The following SCNN1A variants were observed in gnomAD, a reference collection of about 807,000 sequenced individuals.
SCNN1A encodes the protein sodium channel epithelial 1 subunit alpha.
SCNN1A carries 65 observed loss-of-function variants against 68.6 expected under a neutral mutation model. The observed-to-expected ratio is 0.95, with a 90% CI of 0.78 to 1.16. The LOEUF (loss-of-function observed/expected upper bound fraction) is 1.16. SCNN1A is among the 50% of genes most tolerant of loss of function. The pLI is 0.00. For missense variants in SCNN1A, 880 were observed against 865.9 expected, an observed-to-expected ratio of 1.02 and a Z score of -0.20; for synonymous variants, 357 against 353.3, an observed-to-expected ratio of 1.01 and a Z score of -0.12.
chr12:6,350,228 C>T (rs1012792430), intron 8 of SCNN1A, among the ~76,000 whole-genome samples: 11 of 145,284 alleles, frequency 7.6e-5, no homozygotes, highest in East Asian at 6.5e-4. Context: ...GTCAAGAGAT[C>T]GAGACCATCC....
Position 6,349,218 on chromosome 12 carries a change from C to A in SCNN1A, c.1443G>T (p.Val481=). 2 of 1,614,116 alleles carry A rather than the reference C, an allele frequency of 1.2e-6. No individual in the cohort carries two copies. Among genetic ancestry groups the A allele is most frequent in the South Asian group, 2.2e-5 (2 of 91,042 alleles). ...AACCAGCAGAGAGCTGGTAGCTGGT[C>A]ACGCTGGGGATGGAGAAAGGTGCTC... is the stretch of plus-strand genomic sequence containing the variant. The part of the protein sequence containing the change: ...CFTKCRKPCS[V]TSYQLSAGYS... Residue 481 remains valine, a synonymous_variant, in exon 10 of 13, where the codon GTG becomes GTT. Coordinates refer to ENST00000228916, the MANE Select transcript of SCNN1A (RefSeq NM_001038.6).
rs561035299 is a variant in SCNN1A, at chr12:6,355,644, G to A, written c.979+133C>T. On this transcript the variant is annotated intron_variant, in intron 5 of 12. Transcript: ENST00000228916. ...ACGGGATTCCTCTCATGCCTGGAAC[G>A]GACTATGTGGCACCTATTGGGGAGA... 3.4e-5 allele frequency: 31 copies of A among 902,936 alleles called. No homozygotes were observed. In the African/African-American group the frequency reaches 3.8e-4, roughly 11 times the overall value. 55.9% of individuals were successfully genotyped at this position (902,936 alleles called of 1,614,324 possible). A position where few individuals can be genotyped will look rare whatever the true frequency, so the allele number is the denominator to read the frequency against.
chr12:6,363,329 C>T lies in SCNN1A; in HGVS notation c.684+114G>A, dbSNP rs1316634828. The T allele has an allele frequency of 8.4e-6, 7 of 837,048 alleles. No homozygotes were observed. The Admixed American group carries it at 2.0e-4, about 24-fold the overall frequency. The allele number at this position is 837,048 out of a possible 1,614,324, so 51.9% of individuals were successfully genotyped here. On this transcript the variant is annotated intron_variant, in intron 3 of 12. Coordinates refer to ENST00000228916, the MANE Select transcript of SCNN1A (RefSeq NM_001038.6). ...TTTTGCCCGCGAGCCCACGAGGCCC[C>T]GCGTGGTGTCACTGGGCTGCGCGGG... is the stretch of plus-strand genomic sequence containing the variant.
At chr12:6,350,560 G>A (rs1441061264) in intron 8 of SCNN1A, among the ~76,000 whole-genome samples, 1 of 152,140 alleles carries the variant, frequency 6.6e-6, no homozygotes, top group Admixed American at 6.5e-5. Flanking sequence ...CAATAGGCTG[G>A]GTGCGGTGGC....
At chr12:6,350,871 T>A (rs1948376431) in intron 8 of SCNN1A, among the ~76,000 whole-genome samples, 1 of 143,696 alleles carries the variant, frequency 7.0e-6, no homozygotes. Flanking sequence ...AATAAATAAA[T>A]AAAAATTTAA....
chr12:6,375,268 C>T lies in SCNN1A; in HGVS notation c.-55+237G>A, dbSNP rs72645130. 5.9e-3 allele frequency: 8,466 copies of T among 1,437,782 alleles called. 35 individuals are homozygous for T. The highest frequency in any genetic ancestry group is 7.3e-3 in the Non-Finnish European group (8,025 of 1,102,824). 89.1% of individuals were successfully genotyped at this position (1,437,782 alleles called of 1,614,324 possible). On this transcript the variant is annotated intron_variant, in intron 1 of 12. Coordinates refer to ENST00000228916, the MANE Select transcript of SCNN1A (RefSeq NM_001038.6). ...CTCTCCTCTTTCTGGCCTGCCTCCT[C>T]TCTCTAATCCTGCCTCTCTTCCTCT...
intron 5 of SCNN1A, 142 bp downstream of exon 5, chr12:6,355,635 G>T: frequency 1.1e-6 from 1 of 899,104 alleles, no homozygotes; most frequent in Non-Finnish European, 1.9e-6. Flanking sequence ...TTCCTCTCAT[G>T]CCTGGAACGG....
At position 6,348,106 on chromosome 12, in the gene SCNN1A, A is replaced by G. The variant is rs1367615472; in HGVS notation, c.1777T>C (p.Trp593Arg). Residue 593 changes from tryptophan (W) to arginine (R), a missense_variant, in exon 13 of 13, where the codon TGG becomes CGG. Trp to Arg is a moderately radical substitution (Grantham distance 101, BLOSUM62 -3). This residue lies in a region of SCNN1A where 758 missense variants were observed against 721.8 expected (regional missense o/e 1.05). Transcript: ENST00000228916. ...MLLRRFRSRYWSPGRGGRGAQ... is the reference protein window; with the variant it reads ...MLLRRFRSRYRSPGRGGRGAQ... ...CCCCTGCCCCCTCGGCCTGGAGACCAGTATCGGCTTCGGAACCTTCGGAGC... is the reference window on the plus strand; with the variant it reads ...CCCCTGCCCCCTCGGCCTGGAGACCGGTATCGGCTTCGGAACCTTCGGAGC... 1 of 1,614,092 alleles carries G rather than the reference A, an allele frequency of 6.2e-7. No individual in the cohort carries two copies. The highest frequency in any genetic ancestry group is 1.7e-5 in the Admixed American group (1 of 60,014).
At chr12:6,355,689 C>G (rs531775549) in intron 5 of SCNN1A, 88 bp downstream of exon 5, 1 of 1,017,984 alleles carries the variant, frequency 9.8e-7, no homozygotes, top group Non-Finnish European at 1.6e-6. Flanking sequence ...CAGGACCCCT[C>G]CCAGCAGCTC....
intron 4 of SCNN1A, among the ~76,000 whole-genome samples, chr12:6,356,711 G>A (rs1026540112): frequency 1.2e-4 from 19 of 152,360 alleles, no homozygotes; most frequent in Non-Finnish European, 1.6e-4. Flanking sequence ...GAACAGGGAG[G>A]CTGTGTGGGT....
chr12:6,377,105 G>GTTTA, upstream of SCNN1A: 1 of 620,246 alleles, frequency 1.6e-6, no homozygotes, highest in South Asian at 2.3e-5. Flanking sequence ...CAAGCAAGGA[G>GTTTA]TTTAGCAGGC....
At chr12:6,360,496 G>GGT (rs1444616748) in intron 4 of SCNN1A, among the ~76,000 whole-genome samples, 1 of 152,226 alleles carries the variant, frequency 6.6e-6, no homozygotes, top group African/African-American at 2.4e-5. Flanking sequence ...CTTGGTGACA[G>GGT]GTGTGGGCGG....
chr12:6,349,029 C>G, intron 10 of SCNN1A, 24 bp from the exon 11 acceptor site: 2 of 1,612,838 alleles, frequency 1.2e-6, no homozygotes, highest in African/African-American at 2.7e-5. Flanking sequence ...GGGGTGTCAT[C>G]AAGGTCACTC....
At chr12:6,359,625 C>G (rs1948550541) in intron 4 of SCNN1A, among the ~76,000 whole-genome samples, 1 of 152,154 alleles carries the variant, frequency 6.6e-6, no homozygotes, top group Admixed American at 6.5e-5. Flanking sequence ...GCCCCCTCTC[C>G]TCCCCTTCTA....
chr12:6,375,346 C>T lies in SCNN1A; in HGVS notation c.-55+159G>A, dbSNP rs545280299. On this transcript the variant is annotated intron_variant, in intron 1 of 12. Coordinates refer to ENST00000228916, the MANE Select transcript of SCNN1A (RefSeq NM_001038.6). ...CTAGGCCCTCAGCTCCAGCCTCTGG[C>T]CCTGACCTCGAGCTGTGTCCTGATT... 9.0e-6 allele frequency: 13 copies of T among 1,447,794 alleles called. No individual in the cohort carries two copies. In the African/African-American group the frequency reaches 1.3e-4, roughly 14 times the overall value. 89.7% of individuals were successfully genotyped at this position (1,447,794 alleles called of 1,614,324 possible).
At chr12:6,353,183 G>A (rs1948419509) in intron 8 of SCNN1A, among the ~76,000 whole-genome samples, 1 of 152,164 alleles carries the variant, frequency 6.6e-6, no homozygotes, top group Non-Finnish European at 1.5e-5. Flanking sequence ...AGGATAAGGA[G>A]GAGATTCCAA....
chr12:6,355,366 CG>C lies in SCNN1A; in HGVS notation c.1048del (p.Arg350GlyfsTer2), dbSNP rs1948477366. 1 of 1,613,848 alleles carries C rather than the reference CG, an allele frequency of 6.2e-7. No individual in the cohort carries two copies. On this transcript the variant is annotated frameshift_variant, in exon 6 of 13. Coordinates refer to ENST00000228916, the MANE Select transcript of SCNN1A (RefSeq NM_001038.6). LOFTEE classifies it high-confidence loss of function. ...TTCATCCTGCCCGTGCACCATTACC[CG>C]GGCCCCAGTCACTGTGGACAGCAGG... ...IPLLSTVTGA[R>X]VMVHGQDEPA...
chr12:6,355,168 CA>C (rs1303302831), intron 6 of SCNN1A, 103 bp downstream of exon 6: 5 of 1,332,100 alleles, frequency 3.8e-6, no homozygotes, highest in Non-Finnish European at 5.3e-6. Context: ...TCCACATGCT[CA>C]AGGCCCACCC....
Position 6,374,770 on chromosome 12 carries a change from T to C in SCNN1A, c.14A>G (p.Lys5Arg). Residue 5 changes from lysine (K) to arginine (R), a missense_variant, in exon 2 of 13, where the codon AAG (lysine) becomes AGG (arginine). Transcript: ENST00000228916. The surrounding 1 kb of genome is among the most constrained non-coding windows in gnomAD (Gnocchi z 6.2). Reference sequence around the variant, plus strand: ...AGGGCTAGAGTCCTGCTCCTCCAGCTTGTTCCCCTCCATGAGACCTGGTAT... The same window carrying C: ...AGGGCTAGAGTCCTGCTCCTCCAGCCTGTTCCCCTCCATGAGACCTGGTAT... MEGN[K>R]LEEQDSSPPQ... 6.2e-7 allele frequency: 1 copy of C among 1,614,006 alleles called. No homozygotes were observed. Among genetic ancestry groups the C allele is most frequent in the East Asian group, 2.2e-5 (1 of 44,878 alleles).
Sources: allele counts gnomAD v4.1 joint callset (sites outside exome capture counted in the v4.1 genomes callset), GRCh38; gene constraint gnomAD v4.1.1; regional missense constraint gnomAD v4.1.1; non-coding constraint Gnocchi (gnomAD v3.1); transcripts MANE v1.5; gene names NCBI Gene and HGNC (gene_info 2026-07-23, HGNC 2026-07-21).